MYH7: variants seen among roughly 807,000 people sequenced by gnomAD.
The protein encoded by MYH7 is myosin heavy chain 7.
Under a neutral mutation model 225.4 loss-of-function variants are expected in MYH7, and 129 were observed. The ratio of observed to expected loss-of-function variants is 0.57; its 90% CI spans 0.50 to 0.66. MYH7 has a LOEUF of 0.66. MYH7 is among the 30% of genes least tolerant of loss of function. MYH7 has a pLI of 0.00. For synonymous variants in MYH7, 971 were observed against 1,007.6 expected (o/e 0.96, Z 0.69); for missense variants, 1,649 against 2,517.0 (o/e 0.66, Z 7.38).
Position 23,415,880 on chromosome 14 carries a change from C to G in MYH7, c.4954-48G>C. The G allele has an allele frequency of 6.2e-7, 1 of 1,613,746 alleles. No individual in the cohort carries two copies. Among genetic ancestry groups the G allele is most frequent in the South Asian group, 1.1e-5 (1 of 91,018 alleles). On this transcript the variant is annotated intron_variant, in intron 34 of 39. Transcript: ENST00000355349. The surrounding 1 kb of genome is among the most constrained non-coding windows in gnomAD (Gnocchi z 6.3). Reference sequence around the variant, plus strand: ...TGAGCAGGGAGCCAGCCTCGGTTCCCTTCACTAAAGGCACCTGTCAGAGGT... The same window carrying G: ...TGAGCAGGGAGCCAGCCTCGGTTCCGTTCACTAAAGGCACCTGTCAGAGGT...
At chr14:23,431,996 A>G (rs1044156308) in intron 6 of MYH7, 127 bp from the exon 7 acceptor site, 7 of 958,264 alleles carry the variant, frequency 7.3e-6, no homozygotes, top group Non-Finnish European at 1.1e-5. Flanking sequence ...CAGGTTATCT[A>G]CACCCAAAAT....
chr14:23,433,382 G>T lies in MYH7; in HGVS notation c.201+150C>A. The T allele has an allele frequency of 7.0e-7, 1 of 1,422,976 alleles. No individual in the cohort carries two copies. The highest frequency in any genetic ancestry group is 9.8e-7 in the Non-Finnish European group (1 of 1,024,500). 88.1% of individuals were successfully genotyped at this position (1,422,976 alleles called of 1,614,324 possible). A position where few individuals can be genotyped will look rare whatever the true frequency, so the allele number is the denominator to read the frequency against. ...CAGAAGGGATATTGGGAAGGAGAGG[G>T]CTCTTTGGAGGGTCTGGATTCTTCC... On this transcript the variant is annotated intron_variant, in intron 3 of 39. Coordinates refer to ENST00000355349, the MANE Select transcript of MYH7 (RefSeq NM_000257.4). This position sits in a 1 kb window ranked among gnomAD's most constrained non-coding sequence, Gnocchi z 4.1.
At chr14:23,424,272 G>A (rs1892605590) in intron 22 of MYH7, 123 bp from the exon 23 acceptor site, 2 of 1,316,402 alleles carry the variant, frequency 1.5e-6, no homozygotes, top group African/African-American at 1.5e-5. Context: ...CACTTGGCAA[G>A]AGCTTCAGAA....
chr14:23,421,675 A>G, intron 25 of MYH7: 1 of 868,966 alleles, frequency 1.2e-6, no homozygotes, highest in African/African-American at 1.8e-5. Flanking sequence ...ACTGTTTACC[A>G]AGTCTGGAAA....
At position 23,427,454 on chromosome 14, in the gene MYH7, T is replaced by G. The variant is rs1186455306; in HGVS notation, c.1888+131A>C. The G allele has an allele frequency of 2.0e-6, 3 of 1,466,614 alleles. No homozygotes were observed. In the East Asian group the frequency reaches 7.3e-5, roughly 36 times the overall value. 90.9% of individuals were successfully genotyped at this position (1,466,614 alleles called of 1,614,324 possible). On this transcript the variant is annotated intron_variant, in intron 16 of 39. Transcript: ENST00000355349. ...GGCTGCCTCAGTTTCTTCACCCAGT[T>G]CCATCCCACTGAGTCTGTAAACCTT...
chr14:23,419,562 C>T lies in MYH7; in HGVS notation c.3774G>A (p.Glu1258=), dbSNP rs199653953. The T allele has an allele frequency of 8.7e-6, 14 of 1,613,834 alleles. No homozygotes were observed. Among genetic ancestry groups the T allele is most frequent in the Non-Finnish European group, 6.8e-6 (8 of 1,180,040 alleles). ...MCRTLEDQMN[E]HRSKAEETQR... ...GGGTCTCCTCCGCCTTGCTCCGGTG[C>T]TCATTCATCTGGTCTTCCAAGGTCC... is the stretch of plus-strand genomic sequence containing the variant. Residue 1258 remains glutamate (E), a synonymous_variant, in exon 28 of 40, where the codon GAG becomes GAA. Coordinates refer to ENST00000355349, the MANE Select transcript of MYH7 (RefSeq NM_000257.4).
At chr14:23,428,434 T>C in intron 15 of MYH7, 66 bp downstream of exon 15, 5 of 1,609,092 alleles carry the variant, frequency 3.1e-6, no homozygotes, top group Non-Finnish European at 4.3e-6. Flanking sequence ...GAGGGGCTGC[T>C]ATTTTGTCTA....
chr14:23,428,020 G>T, intron 15 of MYH7, 126 bp from the exon 16 acceptor site: 1 of 1,225,432 alleles, frequency 8.2e-7, no homozygotes, highest in Non-Finnish European at 1.2e-6. Flanking sequence ...GCTCAGCTCT[G>T]AGTACAGTTA....
chr14:23,423,843 A>G, intron 23 of MYH7, 64 bp downstream of exon 23: 1 of 1,613,650 alleles, frequency 6.2e-7, no homozygotes, highest in South Asian at 1.1e-5. Context: ...AGCCTGGGTC[A>G]AGGTCAGTAT....
At chr14:23,431,708 G>A in intron 7 of MYH7, 31 bp from the exon 8 acceptor site, 3 of 1,614,160 alleles carry the variant, frequency 1.9e-6, no homozygotes, top group Non-Finnish European at 1.7e-6. Context: ...GCAGGTGAGA[G>A]CTCTTCTCCC....
Position 23,415,975 on chromosome 14 carries a change from G to A in MYH7, c.4953+29C>T, listed in dbSNP as rs761921843. On this transcript the variant is annotated intron_variant, in intron 34 of 39. Coordinates refer to ENST00000355349, the MANE Select transcript of MYH7 (RefSeq NM_000257.4). The surrounding 1 kb of genome is among the most constrained non-coding windows in gnomAD (Gnocchi z 6.3). Reference sequence around the variant, plus strand: ...AGACACTACTGCTTCGCCAGGCCACGTGGAGGCCAGTCCCCTCTGGGTGAG... The same window carrying A: ...AGACACTACTGCTTCGCCAGGCCACATGGAGGCCAGTCCCCTCTGGGTGAG... The A allele has an allele frequency of 7.4e-6, 12 of 1,614,056 alleles. No homozygotes were observed. The East Asian group carries it at 8.9e-5, about 12-fold the overall frequency.
rs1892209224 is a variant in MYH7, at chr14:23,416,317, G to A, written c.4645-5C>T. ...CTCCTCGTGCTCCAGGGAGGCCTGG[G>A]AAGGGGTTGGGGGAGGGGATGCAGG... On this transcript the variant is annotated splice_polypyrimidine_tract_variant and splice_region_variant and intron_variant, in intron 33 of 39. Coordinates refer to ENST00000355349, the MANE Select transcript of MYH7 (RefSeq NM_000257.4). 6.2e-7 allele frequency: 1 copy of A among 1,611,282 alleles called. No homozygotes were observed. Among genetic ancestry groups the A allele is most frequent in the Non-Finnish European group, 8.5e-7 (1 of 1,178,252 alleles).
chr14:23,425,456 G>A lies in MYH7; in HGVS notation c.2287-38C>T, dbSNP rs773831603. 8 of 1,613,914 alleles carry A rather than the reference G, an allele frequency of 5.0e-6. No homozygotes were observed. The highest frequency in any genetic ancestry group is 6.8e-6 in the Non-Finnish European group (8 of 1,180,018). On this transcript the variant is annotated intron_variant, in intron 20 of 39. Coordinates refer to ENST00000355349, the MANE Select transcript of MYH7 (RefSeq NM_000257.4). The surrounding 1 kb of genome is among the most constrained non-coding windows in gnomAD (Gnocchi z 4.6). ...TGTGTGTTGGCCATGACTAGGGAGG[G>A]GTACGAGGGAAAGAGATGGTGGGGA...
In MYH7 at chr14:23,431,026, G is replaced by C. The variant is rs920274086; in HGVS notation, c.797-27C>G. Reference sequence around the variant, plus strand: ...TGTGAACAGGTGGGGAGAAGAAGGAGAGAAAGAAAAGTTAGGGTTTGGGCA... The same window carrying C: ...TGTGAACAGGTGGGGAGAAGAAGGACAGAAAGAAAAGTTAGGGTTTGGGCA... On this transcript the variant is annotated intron_variant, in intron 9 of 39. Transcript: ENST00000355349. 12 of 1,545,906 alleles carry C rather than the reference G, an allele frequency of 7.8e-6. No individual in the cohort carries two copies. In the Admixed American group the frequency reaches 1.2e-4, roughly 15 times the overall value.
rs936472320 is a variant in MYH7, at chr14:23,429,983, G to A, written c.1000-70C>T. On this transcript the variant is annotated intron_variant, in intron 11 of 39. Transcript: ENST00000355349. ...GATGGGTAAGTGAGATCCCTTGTAA[G>A]TTGGAGAGAAAACTTGTCTCCTTAA... 1.9e-6 allele frequency: 3 copies of A among 1,586,620 alleles called. No homozygotes were observed. The African/African-American group carries it at 4.0e-5, about 21-fold the overall frequency.
intron 10 of MYH7, 82 bp downstream of exon 10, chr14:23,430,819 C>G: frequency 3.8e-6 from 5 of 1,310,564 alleles, no homozygotes; most frequent in Non-Finnish European, 5.5e-6. Flanking sequence ...AAACCCAGGG[C>G]ATGCCAGCTG....
At chr14:23,417,093 G>T in intron 32 of MYH7, 60 bp downstream of exon 32, 1 of 1,614,054 alleles carries the variant, frequency 6.2e-7, no homozygotes, top group Admixed American at 1.7e-5. Context: ...CCCTTGGGTG[G>T]CACCATATGG....
intron 1 of MYH7, among the ~76,000 whole-genome samples, chr14:23,435,026 C>G (rs912032101): frequency 6.6e-6 from 1 of 152,114 alleles, no homozygotes; most frequent in Non-Finnish European, 1.5e-5. Flanking sequence ...CACATCACTG[C>G]GTGTTCTTCA....
intron 30 of MYH7, 94 bp downstream of exon 30, chr14:23,418,116 A>G (rs1892303233): frequency 1.9e-6 from 3 of 1,567,026 alleles, no homozygotes. Context: ...ACACTAGCTA[A>G]GCATCGCCTG....
Sources: allele counts gnomAD v4.1 joint callset (sites outside exome capture counted in the v4.1 genomes callset), GRCh38; gene constraint gnomAD v4.1.1; non-coding constraint Gnocchi (gnomAD v3.1); transcripts MANE v1.5; gene names NCBI Gene and HGNC (gene_info 2026-07-23, HGNC 2026-07-21).